UNC13C: variants seen among roughly 807,000 people sequenced by gnomAD.
UNC13C encodes protein unc-13 homolog C.
UNC13C carries 174 observed loss-of-function variants against 245.4 expected under a neutral mutation model. The observed-to-expected ratio is 0.71, with a 90% CI of 0.63 to 0.80. The LOEUF is 0.80. Among genes scored for constraint, UNC13C ranks in the 30% least tolerant of loss-of-function variants. UNC13C has a pLI of 0.00. For synonymous variants in UNC13C, 992 were observed against 895.1 expected (o/e 1.11, Z -1.93); for missense variants, 2,829 against 2,602.9 (o/e 1.09, Z -1.89).
chr15:54,122,701 G>C (rs1021155715), intron 2 of UNC13C, among the ~76,000 whole-genome samples: 15 of 151,984 alleles, frequency 9.9e-5, no homozygotes, highest in African/African-American at 3.6e-4. Flanking sequence ...GCTTGATCTT[G>C]AATTTCAAAT....
chr15:53,879,636 T>G, the UNC13C span, among the ~76,000 whole-genome samples: 1 of 152,312 alleles, frequency 6.6e-6, no homozygotes, highest in South Asian at 2.1e-4. Flanking sequence ...TCGCCCAGGC[T>G]GGAGTGCGGT....
chr15:53,897,998 A>G, the UNC13C span, among the ~76,000 whole-genome samples: 3 of 152,142 alleles, frequency 2.0e-5, no homozygotes, highest in African/African-American at 7.2e-5. Context: ...TTGTATAATA[A>G]AAACCTTGCT....
the UNC13C span, among the ~76,000 whole-genome samples, chr15:53,877,902 T>C: frequency 2.0e-5 from 3 of 152,352 alleles, no homozygotes; most frequent in African/African-American, 7.2e-5. Context: ...TTGGACATTC[T>C]TGAGCTTCAT....
At chr15:54,156,876 A>G (rs1342771895) in intron 4 of UNC13C, among the ~76,000 whole-genome samples, 2 of 151,494 alleles carry the variant, frequency 1.3e-5, no homozygotes, top group African/African-American at 2.4e-5. Context: ...GAGAAGTCTT[A>G]TCATAAAGAA....
intron 1 of UNC13C, among the ~76,000 whole-genome samples, chr15:53,991,311 G>C (rs1315668933): frequency 6.6e-6 from 1 of 151,988 alleles, no homozygotes; most frequent in African/African-American, 2.4e-5. Context: ...TCTCCACTAA[G>C]ATGAAGTAGA....
At chr15:54,109,127 T>C (rs979757907) in intron 2 of UNC13C, among the ~76,000 whole-genome samples, 1 of 152,152 alleles carries the variant, frequency 6.6e-6, no homozygotes, top group Non-Finnish European at 1.5e-5. Flanking sequence ...GGATCACAAA[T>C]GTTTTTCATC....
In UNC13C at chr15:54,580,659, G is replaced by T. The variant is rs1034010675; in HGVS notation, c.6106+12712G>T. Reference sequence around the variant, plus strand: ...AGTGATAATACCCATGAAACACTTTGCACATAGAAATCCCCATAAATGTTC... The same window carrying T: ...AGTGATAATACCCATGAAACACTTTTCACATAGAAATCCCCATAAATGTTC... On this transcript the variant is annotated intron_variant, in intron 30 of 32. Transcript: ENST00000260323. 3.3e-5 allele frequency among the ~76,000 whole-genome samples: 5 copies of T among 152,296 alleles called. No individual in the cohort carries two copies. The East Asian group carries it at 9.6e-4, about 29-fold the overall frequency.
the UNC13C span, among the ~76,000 whole-genome samples, chr15:53,928,214 T>C: frequency 1.3e-5 from 2 of 152,186 alleles, no homozygotes; most frequent in Non-Finnish European, 1.5e-5. Context: ...ACATATTTAT[T>C]AACAGCAAAC....
At chr15:54,343,118 A>G (rs2038773858) in intron 17 of UNC13C, among the ~76,000 whole-genome samples, 2 of 150,912 alleles carry the variant, frequency 1.3e-5, no homozygotes, top group Admixed American at 1.3e-4. Flanking sequence ...TTATTGTACC[A>G]TGTAATTACC....
rs202235638 is a variant in UNC13C at position 54,494,691 on chromosome 15, C to A, written c.5017C>A (p.Arg1673Ser). 1.9e-6 allele frequency: 3 copies of A among 1,611,024 alleles called. No individual in the cohort carries two copies. Among genetic ancestry groups the A allele is most frequent in the Middle Eastern group, 1.7e-4 (1 of 6,052 alleles). The change falls in exon 20 of 33, where the codon CGT (arginine) becomes AGT (serine). Residue 1673 changes from arginine to serine, a missense_variant. Physicochemically the swap from Arg to Ser is moderately radical, Grantham distance 110. Transcript: ENST00000260323. ...TAAATGGTTTTATAATGAATATGTG[C>A]GTGAACTTCCTGCCTTCAAGGATGC... ...KVKWFYNEYV[R>S]ELPAFKDAVP...
chr15:54,273,078 A>G (rs1191816383), intron 10 of UNC13C, among the ~76,000 whole-genome samples: 1 of 152,196 alleles, frequency 6.6e-6, no homozygotes, highest in East Asian at 1.9e-4. Context: ...CTTTGTGGGT[A>G]AAAAGGACTG....
chr15:53,882,017 A>G, the UNC13C span, among the ~76,000 whole-genome samples: 2 of 152,194 alleles, frequency 1.3e-5, no homozygotes, highest in South Asian at 4.1e-4. Context: ...GAGATGAGAC[A>G]CTTAGGTTTG....
At chr15:54,509,396 A>G (rs1894636949) in intron 23 of UNC13C, among the ~76,000 whole-genome samples, 1 of 152,230 alleles carries the variant, frequency 6.6e-6, no homozygotes, top group Non-Finnish European at 1.5e-5. Flanking sequence ...CACAATCTAA[A>G]TTAGAATTAC....
the UNC13C span, among the ~76,000 whole-genome samples, chr15:53,959,093 A>C: frequency 6.6e-6 from 1 of 152,158 alleles, no homozygotes; most frequent in East Asian, 1.9e-4. Flanking sequence ...AATCACCTCC[A>C]GTTCCATCCA....
chr15:53,909,335 T>C, the UNC13C span, among the ~76,000 whole-genome samples: 5 of 146,798 alleles, frequency 3.4e-5, 1 homozygote, highest in African/African-American at 1.2e-4. Context: ...AAATGATATA[T>C]CTAACAATGA....
intron 26 of UNC13C, among the ~76,000 whole-genome samples, chr15:54,534,202 C>T (rs1323309979): frequency 1.3e-5 from 2 of 152,090 alleles, no homozygotes; most frequent in Non-Finnish European, 2.9e-5. Context: ...GGAACACCTT[C>T]GCCCCTCCAG....
chr15:54,050,775 G>T, intron 2 of UNC13C: 1 of 587,672 alleles, frequency 1.7e-6, no homozygotes, highest in South Asian at 1.4e-5. Context: ...ACTATCTGGT[G>T]ATCATCACTA....
intron 28 of UNC13C, 112 bp from the exon 29 acceptor site, chr15:54,555,320 G>T: frequency 1.3e-6 from 1 of 757,466 alleles, no homozygotes; most frequent in Admixed American, 2.4e-5. Flanking sequence ...AGGTGCAGAA[G>T]ATATTTCAAA....
intron 18 of UNC13C, among the ~76,000 whole-genome samples, chr15:54,399,151 T>A (rs2040130288): frequency 6.6e-6 from 1 of 151,496 alleles, no homozygotes; most frequent in Admixed American, 6.6e-5. Flanking sequence ...ACCATGGAAA[T>A]GTCATATTTA....
Sources: allele counts gnomAD v4.1 joint callset (sites outside exome capture counted in the v4.1 genomes callset), GRCh38; gene constraint gnomAD v4.1.1; transcripts MANE v1.5; gene names NCBI Gene and HGNC (gene_info 2026-07-23, HGNC 2026-07-21).